GNA14: variants seen among roughly 807,000 people sequenced by gnomAD.
The protein encoded by GNA14 is guanine nucleotide-binding protein subunit alpha-14.
GNA14 carries 50 observed loss-of-function variants against 42.0 expected under a neutral mutation model. That is an observed-to-expected ratio of 1.19 (90% CI 0.95 to 1.51). GNA14 has a LOEUF of 1.51. GNA14 is among the 40% of genes most tolerant of loss of function. The pLI, the probability that GNA14 is intolerant of heterozygous loss-of-function variation, is 0.00. For synonymous variants in GNA14, 173 were observed against 163.1 expected (o/e 1.06, Z -0.46); for missense variants, 473 against 446.2 (o/e 1.06, Z -0.54).
chr9:77,589,647 T>G (rs1009472294), intron 1 of GNA14, among the ~76,000 whole-genome samples: 13 of 152,174 alleles, frequency 8.5e-5, no homozygotes, highest in African/African-American at 2.9e-4. Flanking sequence ...ACCCTCGGGC[T>G]ATGGCCTGTA....
At chr9:77,603,956 C>CAAAAAAAAAAAAAAAAAA (rs67044542) in intron 1 of GNA14, among the ~76,000 whole-genome samples, 115 of 81,612 alleles carry the variant, frequency 1.4e-3, no homozygotes, top group East Asian at 2.0e-3. Context: ...AAAAAAAAAA[C>CAAAAAAAAAAAAAAAAAA]AAAAAAAAAA....
chr9:77,471,574 G>C (rs1197606981), intron 2 of GNA14, among the ~76,000 whole-genome samples: 1 of 152,190 alleles, frequency 6.6e-6, no homozygotes, highest in Non-Finnish European at 1.5e-5. Flanking sequence ...AATCACAGAG[G>C]AAGAGCAATC....
rs528689097 is a variant in GNA14, at chr9:77,632,213, G to T, written c.124+15457C>A. 3.9e-5 allele frequency among the ~76,000 whole-genome samples: 6 copies of T among 152,204 alleles called. No individual in the cohort carries two copies. In the East Asian group the frequency reaches 9.6e-4, roughly 24 times the overall value. Reference sequence around the variant, plus strand: ...AAAGTTGGGGCCATGGGAAGCCAAGGGGGGCACTGAGGGAAGCTTGGTGCT... The same window carrying T: ...AAAGTTGGGGCCATGGGAAGCCAAGTGGGGCACTGAGGGAAGCTTGGTGCT... On this transcript the variant is annotated intron_variant, in intron 1 of 6. Coordinates refer to ENST00000341700, the MANE Select transcript of GNA14 (RefSeq NM_004297.4).
chr9:77,522,784 AC>A (rs971816941), intron 2 of GNA14, among the ~76,000 whole-genome samples: 4 of 152,134 alleles, frequency 2.6e-5, no homozygotes, highest in African/African-American at 9.7e-5. Flanking sequence ...CCAATGTGCA[AC>A]CAAGACTGAG....
At chr9:77,444,821 T>C (rs1835789727) in intron 2 of GNA14, among the ~76,000 whole-genome samples, 1 of 151,928 alleles carries the variant, frequency 6.6e-6, no homozygotes, top group African/African-American at 2.4e-5. Flanking sequence ...CAGGGGGAGG[T>C]AGCTTAGGGT....
chr9:77,446,495 C>T (rs72730870), intron 2 of GNA14, among the ~76,000 whole-genome samples: 6,873 of 152,264 alleles, frequency 0.045, 223 homozygotes, highest in South Asian at 0.11. Flanking sequence ...GAGGTGGACC[C>T]GTGTAACTGA....
chr9:77,532,949 T>C (rs1314151172), intron 1 of GNA14, among the ~76,000 whole-genome samples: 1 of 152,098 alleles, frequency 6.6e-6, no homozygotes. Context: ...AGGGATTCAC[T>C]TAGATGTAAT....
intron 2 of GNA14, among the ~76,000 whole-genome samples, chr9:77,487,006 C>T (rs1836671846): frequency 7.5e-6 from 1 of 133,236 alleles, no homozygotes; most frequent in Non-Finnish European, 1.6e-5. Flanking sequence ...TTACCACAAA[C>T]CTTCAATTTG....
intron 1 of GNA14, among the ~76,000 whole-genome samples, chr9:77,618,609 TATATATATA>T (rs1410819204): frequency 1.6e-3 from 23 of 14,654 alleles, no homozygotes; most frequent in Non-Finnish European, 2.5e-3. Context: ...TATATATATA[TATATATATA>T]TATTTTTTTT....
At chr9:77,566,615 T>A (rs1822971812) in intron 1 of GNA14, among the ~76,000 whole-genome samples, 2 of 152,152 alleles carry the variant, frequency 1.3e-5, no homozygotes, top group Non-Finnish European at 2.9e-5. Flanking sequence ...AACAAATAAA[T>A]AAATCCAGCT....
chr9:77,426,890 ACACT>A (rs1191118674), intron 5 of GNA14, among the ~76,000 whole-genome samples: 1 of 152,168 alleles, frequency 6.6e-6, no homozygotes, highest in Admixed American at 6.5e-5. Context: ...CTCAGCACAC[ACACT>A]CAAGAGGGAC....
intron 2 of GNA14, among the ~76,000 whole-genome samples, chr9:77,488,883 T>A (rs1173185231): frequency 1.4e-5 from 2 of 141,840 alleles, no homozygotes; most frequent in Non-Finnish European, 3.0e-5. Context: ...ATACATCACA[T>A]GAAACAACAG....
chr9:77,619,353 C>T (rs757550169), intron 1 of GNA14, among the ~76,000 whole-genome samples: 10 of 152,066 alleles, frequency 6.6e-5, no homozygotes, highest in Admixed American at 1.3e-4. Context: ...ACTACAGGCG[C>T]GTGTCATCCA....
intron 2 of GNA14, among the ~76,000 whole-genome samples, chr9:77,477,550 A>G (rs1431081868): frequency 6.6e-6 from 1 of 152,150 alleles, no homozygotes; most frequent in East Asian, 1.9e-4. Context: ...ATAGGCCACC[A>G]TCTAATCACC....
chr9:77,585,238 AAT>A (rs779809206), intron 1 of GNA14, among the ~76,000 whole-genome samples: 2 of 152,282 alleles, frequency 1.3e-5, no homozygotes, highest in Non-Finnish European at 2.9e-5. Flanking sequence ...AGGAGACCAG[AAT>A]ATCCCATCCC....
rs186023703 is a variant in GNA14 at position 77,616,230 on chromosome 9, T to G, written c.124+31440A>C. Among the ~76,000 whole-genome samples the G allele has an allele frequency of 2.2e-3, 335 of 152,350 alleles. 3 individuals are homozygous for G. The Middle Eastern group carries it at 0.061, about 28-fold the overall frequency. On this transcript the variant is annotated intron_variant, in intron 1 of 6. Transcript: ENST00000341700. ...AAGGACATCAACATTCTTGACTATT[T>G]GGAAGTGGCTGGTTCATTAAGATTA...
intron 2 of GNA14, among the ~76,000 whole-genome samples, chr9:77,452,603 A>ATGTGTGTGGTGTG (rs1554688256): frequency 5.1e-3 from 7 of 1,372 alleles, no homozygotes; most frequent in Non-Finnish European, 7.2e-3. Flanking sequence ...TGTGGTGTGT[A>ATGTGTGTGGTGTG]TGTGTATGTG....
intron 3 of GNA14, among the ~76,000 whole-genome samples, chr9:77,434,108 T>C (rs1835602032): frequency 6.6e-6 from 1 of 152,184 alleles, no homozygotes. Context: ...GAGTCTCTCA[T>C]TGAAAACGAC....
intron 2 of GNA14, among the ~76,000 whole-genome samples, chr9:77,442,829 A>T (rs1208508452): frequency 6.6e-6 from 1 of 152,248 alleles, no homozygotes; most frequent in Non-Finnish European, 1.5e-5. Context: ...AGAAGATGGG[A>T]CAACTGCAAA....
Sources: allele counts gnomAD v4.1 joint callset (sites outside exome capture counted in the v4.1 genomes callset), GRCh38; gene constraint gnomAD v4.1.1; transcripts MANE v1.5; gene names NCBI Gene and HGNC (gene_info 2026-07-23, HGNC 2026-07-21).